FOCAD: variants seen among roughly 807,000 people sequenced by gnomAD.
The protein encoded by FOCAD is KIAA1797.
In FOCAD, 198 loss-of-function variants were observed where a neutral mutation model predicts 225.6. The observed-to-expected ratio is 0.88, with a 90% CI of 0.78 to 0.99. FOCAD has a LOEUF of 0.99. Among genes scored for constraint, FOCAD ranks in the 50% least tolerant of loss-of-function variants. FOCAD has a pLI of 0.00. For missense variants in FOCAD, 2,713 were observed against 2,123.6 expected (o/e 1.28, Z -5.46); for synonymous variants, 897 against 755.0 (o/e 1.19, Z -3.08).
chr9:20,890,345 C>G (rs1007107424), intron 21 of FOCAD, among the ~76,000 whole-genome samples: 4 of 146,406 alleles, frequency 2.7e-5, no homozygotes, highest in Admixed American at 2.1e-4. Context: ...GAAGAAGTTT[C>G]CTTCTAGTCC....
rs1449374625 is a variant in FOCAD, at chr9:20,990,389, CACCTGCTTA to C, written c.5256+16_5256+24del. On this transcript the variant is annotated intron_variant, in intron 42 of 43. Coordinates refer to ENST00000338382, the MANE Select transcript of FOCAD (RefSeq NM_001375567.1). ...AGACCCAGAAGGTGAGGCTGGCAGC[CACCTGCTTA>C]GCAGGGCAGGCAGCCATTGTCTCTT... 1.2e-5 allele frequency: 19 copies of C among 1,611,660 alleles called. No individual in the cohort carries two copies. The highest frequency in any genetic ancestry group is 1.6e-5 in the Non-Finnish European group (19 of 1,179,280).
intron 23 of FOCAD, among the ~76,000 whole-genome samples, chr9:20,915,632 A>T (rs1833805734): frequency 6.6e-6 from 1 of 152,172 alleles, no homozygotes; most frequent in South Asian, 2.1e-4. Context: ...CATCAAGCAT[A>T]ATCTTTTACA....
chr9:20,966,494 C>G (rs1564215165), intron 35 of FOCAD, among the ~76,000 whole-genome samples: 1 of 152,052 alleles, frequency 6.6e-6, no homozygotes, highest in Non-Finnish European at 1.5e-5. Flanking sequence ...TGATAATACC[C>G]TTTAATGAAC....
intron 8 of FOCAD, among the ~76,000 whole-genome samples, chr9:20,770,545 G>C (rs1329269665): frequency 1.3e-5 from 2 of 152,214 alleles, no homozygotes; most frequent in African/African-American, 4.8e-5. Flanking sequence ...GGAGGATTGT[G>C]CTAAACCATT....
intron 35 of FOCAD, among the ~76,000 whole-genome samples, chr9:20,974,730 G>A (rs1350409382): frequency 6.9e-6 from 1 of 144,822 alleles, no homozygotes; most frequent in Non-Finnish European, 1.5e-5. Flanking sequence ...TCTCCTTTCT[G>A]TAGCTGTTTT....
chr9:20,920,077 A>G (rs930094656), intron 24 of FOCAD, among the ~76,000 whole-genome samples: 2 of 152,210 alleles, frequency 1.3e-5, no homozygotes, highest in African/African-American at 4.8e-5. Context: ...ACAAAGGGCT[A>G]ATATCCAGAA....
chr9:20,833,211 T>G (rs949823207), intron 15 of FOCAD, among the ~76,000 whole-genome samples: 1 of 152,058 alleles, frequency 6.6e-6, no homozygotes, highest in African/African-American at 2.4e-5. Flanking sequence ...TGAGGTGATA[T>G]CTCATAGTGG....
At chr9:20,750,164 C>T (rs1448528844) in intron 5 of FOCAD, among the ~76,000 whole-genome samples, 1 of 152,138 alleles carries the variant, frequency 6.6e-6, no homozygotes, top group Non-Finnish European at 1.5e-5. Flanking sequence ...TCCCATGATC[C>T]TGTTTATTCT....
chr9:20,779,459 G>C (rs977379449), intron 9 of FOCAD, among the ~76,000 whole-genome samples: 2 of 152,264 alleles, frequency 1.3e-5, no homozygotes, highest in Admixed American at 1.3e-4. Context: ...TAAAAAGTAC[G>C]TGAGAGGCCA....
At chr9:20,944,821 T>C (rs988501860) in intron 29 of FOCAD, 47 bp downstream of exon 29, 7 of 1,549,648 alleles carry the variant, frequency 4.5e-6, no homozygotes, top group Non-Finnish European at 6.1e-6. Context: ...CTCTTTTGTT[T>C]TCTTCTTGCC....
In FOCAD at chr9:20,990,362, A is replaced by G. The variant is rs779829520; in HGVS notation, c.5244A>G (p.Glu1748=). Residue 1748 remains glutamate, a synonymous_variant, in exon 42 of 44, where the codon GAA becomes GAG. Coordinates refer to ENST00000338382, the MANE Select transcript of FOCAD (RefSeq NM_001375567.1). The part of the protein sequence containing the change: ...ALLLQKEPWK[E]QTQKFIDWLF... ...TGCTGCAGAAAGAGCCATGGAAGGA[A>G]CAGACCCAGAAGGTGAGGCTGGCAG... 1.2e-5 allele frequency: 20 copies of G among 1,613,450 alleles called. No homozygotes were observed. In the Admixed American group the frequency reaches 2.5e-4, roughly 20 times the overall value.
Position 20,986,282 on chromosome 9 carries a change from T to G in FOCAD, c.4729-6T>G, listed in dbSNP as rs1564245859. Reference sequence around the variant, plus strand: ...AACTAAACAATTTTTTTTTTTTTTTTTGCAGAGCAACATAGAAAAAGCTGC... The same window carrying G: ...AACTAAACAATTTTTTTTTTTTTTTGTGCAGAGCAACATAGAAAAAGCTGC... On this transcript the variant is annotated splice_region_variant and splice_polypyrimidine_tract_variant and intron_variant, in intron 39 of 43. Coordinates refer to ENST00000338382, the MANE Select transcript of FOCAD (RefSeq NM_001375567.1). The G allele has an allele frequency of 6.8e-7, 1 of 1,474,150 alleles. No individual in the cohort carries two copies. Among genetic ancestry groups the G allele is most frequent in the South Asian group, 1.3e-5 (1 of 75,998 alleles). The allele number at this position is 1,474,150 out of a possible 1,614,324, so 91.3% of individuals were successfully genotyped here.
At chr9:20,886,567 G>A (rs1169770559) in intron 21 of FOCAD, among the ~76,000 whole-genome samples, 1 of 152,174 alleles carries the variant, frequency 6.6e-6, no homozygotes. Context: ...GTTATGAGGT[G>A]TGTCCGAGAT....
chr9:20,814,254 A>AT (rs1458517123), intron 11 of FOCAD, among the ~76,000 whole-genome samples: 2 of 151,084 alleles, frequency 1.3e-5, no homozygotes, highest in African/African-American at 4.9e-5. Context: ...GTCTTATAGC[A>AT]TTTTTTTGGT....
chr9:20,820,608 A>G (rs757771484), intron 13 of FOCAD, among the ~76,000 whole-genome samples, 183 bp downstream of exon 13: 12 of 152,164 alleles, frequency 7.9e-5, no homozygotes, highest in Non-Finnish European at 1.5e-4. Context: ...TTTCAGAGAA[A>G]TTGAGAATAT....
At chr9:20,680,510 G>C (rs1388587806), upstream of FOCAD, among the ~76,000 whole-genome samples, 1 of 152,100 alleles carries the variant, frequency 6.6e-6, no homozygotes, top group Non-Finnish European at 1.5e-5. Flanking sequence ...AGCTGAGATT[G>C]CGTCATTGCA....
intron 24 of FOCAD, among the ~76,000 whole-genome samples, chr9:20,918,718 C>T (rs907121541): frequency 2.8e-4 from 37 of 133,694 alleles, no homozygotes; most frequent in African/African-American, 9.9e-4. Flanking sequence ...AGCGAGACTC[C>T]GTCTCAAAAA....
chr9:20,839,131 G>GGTGT (rs756847299), intron 15 of FOCAD, among the ~76,000 whole-genome samples: 1 of 151,250 alleles, frequency 6.6e-6, no homozygotes, highest in Admixed American at 6.6e-5. Flanking sequence ...CCTATATAGG[G>GGTGT]GTGTGTGTGT....
At chr9:20,925,192 A>G (rs1834824660) in intron 25 of FOCAD, among the ~76,000 whole-genome samples, 1 of 152,220 alleles carries the variant, frequency 6.6e-6, no homozygotes, top group Non-Finnish European at 1.5e-5. Flanking sequence ...TTTTATAGAG[A>G]GGAAATGTTT....
Sources: allele counts gnomAD v4.1 joint callset (sites outside exome capture counted in the v4.1 genomes callset), GRCh38; gene constraint gnomAD v4.1.1; transcripts MANE v1.5; gene names NCBI Gene and HGNC (gene_info 2026-07-23, HGNC 2026-07-21).